Variants in WDPCP observed in about 807,000 individuals in gnomAD.
The protein encoded by WDPCP is WD repeat-containing and planar cell polarity effector protein fritz homolog.
In WDPCP, 71 loss-of-function variants were observed where a neutral mutation model predicts 93.1. The ratio of observed to expected loss-of-function variants is 0.76; its 90% CI spans 0.63 to 0.93. The LOEUF is 0.93. Among genes scored for constraint, WDPCP ranks in the 40% least tolerant of loss-of-function variants. The probability of loss-of-function intolerance (pLI) is 0.00; values close to 1 mark genes in which losing one functional copy is unlikely to be tolerated. For synonymous variants in WDPCP, 315 were observed against 315.0 expected (o/e 1.00, Z 0.00); for missense variants, 844 against 887.4 (o/e 0.95, Z 0.62).
intron 6 of WDPCP, among the ~76,000 whole-genome samples, chr2:63,480,817 T>C (rs1207763621): frequency 2.0e-5 from 3 of 152,150 alleles, no homozygotes; most frequent in Non-Finnish European, 4.4e-5. Flanking sequence ...CCTCTAGACA[T>C]TGGCTTAGGC....
intron 1 of WDPCP, among the ~76,000 whole-genome samples, chr2:63,527,928 G>A (rs1703477939): frequency 6.6e-6 from 1 of 151,996 alleles, no homozygotes; most frequent in African/African-American, 2.4e-5. Flanking sequence ...GGTGTGAGAT[G>A]GTATCTCATT....
intron 2 of WDPCP, among the ~76,000 whole-genome samples, chr2:63,709,595 T>A (rs992363618): frequency 1.3e-5 from 2 of 152,214 alleles, no homozygotes; most frequent in Non-Finnish European, 2.9e-5. Flanking sequence ...GTGGTGCTAA[T>A]TCCTAATAAT....
chr2:63,704,207 G>T (rs939134974), intron 2 of WDPCP, among the ~76,000 whole-genome samples: 6 of 152,206 alleles, frequency 3.9e-5, no homozygotes, highest in African/African-American at 1.4e-4. Flanking sequence ...TGGCTGAGAT[G>T]ATGGGGTTTT....
At chr2:63,301,676 A>G (rs780483799) in intron 13 of WDPCP, among the ~76,000 whole-genome samples, 1 of 152,140 alleles carries the variant, frequency 6.6e-6, no homozygotes, top group Non-Finnish European at 1.5e-5. Flanking sequence ...CATGAGCAGC[A>G]TGTTCAACAA....
At chr2:63,264,108 A>T (rs1681887249) in intron 13 of WDPCP, among the ~76,000 whole-genome samples, 1 of 152,280 alleles carries the variant, frequency 6.6e-6, no homozygotes, top group African/African-American at 2.4e-5. Context: ...TAAAACATGG[A>T]TGTACCCCCG....
intron 1 of WDPCP, among the ~76,000 whole-genome samples, chr2:63,531,615 G>A (rs1703856474): frequency 6.6e-6 from 1 of 152,206 alleles, no homozygotes; most frequent in African/African-American, 2.4e-5. Context: ...CAGACCTGCA[G>A]CTGAGGGTCC....
At chr2:63,531,303 C>A (rs1444258003) in intron 1 of WDPCP, among the ~76,000 whole-genome samples, 1 of 152,226 alleles carries the variant, frequency 6.6e-6, no homozygotes, top group Non-Finnish European at 1.5e-5. Context: ...CTTCTGCAGG[C>A]TTAAACATCC....
chr2:63,578,406 C>T (rs1357547863), intron 1 of WDPCP, among the ~76,000 whole-genome samples: 1 of 152,148 alleles, frequency 6.6e-6, no homozygotes, highest in Non-Finnish European at 1.5e-5. Context: ...ATCCATATTG[C>T]CAATTATATC....
intron 2 of WDPCP, among the ~76,000 whole-genome samples, chr2:63,797,619 A>G (rs951720026): frequency 5.9e-5 from 9 of 152,128 alleles, no homozygotes; most frequent in African/African-American, 2.2e-4. Flanking sequence ...AGAAAAAAAA[A>G]GAAAAGAAAA....
intron 6 of WDPCP, among the ~76,000 whole-genome samples, chr2:63,463,048 G>T (rs1184910698): frequency 3.3e-5 from 5 of 151,748 alleles, no homozygotes; most frequent in South Asian, 4.2e-4. Flanking sequence ...TCAGAATGGA[G>T]AGCAGATGGT....
chr2:63,572,495 G>C (rs138577681), intron 1 of WDPCP, among the ~76,000 whole-genome samples: 20 of 151,970 alleles, frequency 1.3e-4, no homozygotes, highest in Non-Finnish European at 2.5e-4. Context: ...CTGAGGTCAG[G>C]AGCTTGAGAC....
chr2:63,285,433 CAA>C (rs749712426), intron 13 of WDPCP, among the ~76,000 whole-genome samples: 9 of 50,856 alleles, frequency 1.8e-4, no homozygotes, highest in East Asian at 6.3e-4. Context: ...GACTCCATCT[CAA>C]AAAAAAAAAA....
chr2:63,227,349 C>T (rs1017884446), intron 14 of WDPCP, among the ~76,000 whole-genome samples: 1 of 151,946 alleles, frequency 6.6e-6, no homozygotes, highest in African/African-American at 2.4e-5. Flanking sequence ...TGATACCATG[C>T]AAAGGTGTTA....
rs1185092479 is a variant in WDPCP, at chr2:63,278,767, A to C, written c.1813-19358T>G. On this transcript the variant is annotated intron_variant, in intron 13 of 17. Transcript: ENST00000272321. Reference sequence around the variant, plus strand: ...TGTGAACCTGGGAGGCAGAGCTTGCAGTGAGCCAAGATCATGCCACTGCAC... The same window carrying C: ...TGTGAACCTGGGAGGCAGAGCTTGCCGTGAGCCAAGATCATGCCACTGCAC... 3.3e-5 allele frequency among the ~76,000 whole-genome samples: 5 copies of C among 152,210 alleles called. No individual in the cohort carries two copies. The East Asian group carries it at 9.6e-4, about 29-fold the overall frequency.
At chr2:63,478,778 A>T (rs1575494942) in intron 6 of WDPCP, among the ~76,000 whole-genome samples, 1 of 152,130 alleles carries the variant, frequency 6.6e-6, no homozygotes, top group East Asian at 1.9e-4. Flanking sequence ...TAGAGAAACA[A>T]GAACAAACCA....
chr2:63,549,959 G>GCCATCTCCCACTGCTTCCCT (rs1489614334), intron 1 of WDPCP, among the ~76,000 whole-genome samples: 1 of 151,778 alleles, frequency 6.6e-6, no homozygotes, highest in African/African-American at 2.4e-5. Context: ...TCTTTCCTAG[G>GCCATCTCCCACTGCTTCCCT]CCATCTCCCA....
chr2:63,609,724 T>C (rs192885531), intron 3 of WDPCP, among the ~76,000 whole-genome samples: 245 of 151,982 alleles, frequency 1.6e-3, no homozygotes, highest in Middle Eastern at 6.8e-3. Context: ...AATAAAAAAT[T>C]AGCCAGGCAT....
chr2:63,588,028 C>A (rs72806042), intron 1 of WDPCP, among the ~76,000 whole-genome samples, 169 bp downstream of exon 1: 1 of 152,338 alleles, frequency 6.6e-6, no homozygotes, highest in Non-Finnish European at 1.5e-5. Context: ...AGGGCACCAC[C>A]CCCTCCAAAA....
chr2:63,162,705 C>T (rs770970913), intron 15 of WDPCP, among the ~76,000 whole-genome samples: 2 of 151,898 alleles, frequency 1.3e-5, no homozygotes, highest in Non-Finnish European at 2.9e-5. Context: ...AATTAGGAAC[C>T]CCTGTAGTTA....
Sources: allele counts gnomAD v4.1 joint callset (sites outside exome capture counted in the v4.1 genomes callset), GRCh38; gene constraint gnomAD v4.1.1; transcripts MANE v1.5; gene names NCBI Gene and HGNC (gene_info 2026-07-23, HGNC 2026-07-21).